Variants in FLOT2 observed in about 807,000 individuals in gnomAD.
The protein encoded by FLOT2 is flotillin-2.
A neutral mutation model predicts 54.9 loss-of-function variants in FLOT2; 35 were observed. The ratio of observed to expected loss-of-function variants is 0.64; its 90% CI spans 0.49 to 0.84. The LOEUF is 0.84. Ranked by LOEUF, FLOT2 falls within the 40% of genes least tolerant of loss-of-function variation. The pLI is 0.00. For synonymous variants in FLOT2, 207 were observed against 228.9 expected (o/e 0.90, Z 0.86); for missense variants, 464 against 572.1 (o/e 0.81, Z 1.93).
chr17:28,886,561 CATTTAATTGGGA>C (rs2039550370), intron 2 of FLOT2, among the ~76,000 whole-genome samples: 1 of 152,192 alleles, frequency 6.6e-6, no homozygotes, highest in Non-Finnish European at 1.5e-5. Flanking sequence ...ATAAGGGAGG[CATTTAATTGGGA>C]ATTTCCAAAG....
intron 1 of FLOT2, among the ~76,000 whole-genome samples, chr17:28,894,762 C>A (rs2039714258): frequency 7.0e-6 from 1 of 143,150 alleles, no homozygotes; most frequent in Admixed American, 7.3e-5. Context: ...CTACTGCACT[C>A]TAGTAGCCTG....
chr17:28,895,162 C>T (rs913222197), intron 1 of FLOT2, among the ~76,000 whole-genome samples: 1 of 152,032 alleles, frequency 6.6e-6, no homozygotes, highest in Non-Finnish European at 1.5e-5. Context: ...ATCCATCTGC[C>T]TCAGCCTCTC....
chr17:28,897,723 G>C lies in FLOT2; in HGVS notation c.-149C>G. Reference sequence around the variant, plus strand: ...CGCGCCCCTCTGCGGTCGCAGCCCCGCCGGAAGTGTGGCGGCGGAGGGCGG... The same window carrying C: ...CGCGCCCCTCTGCGGTCGCAGCCCCCCCGGAAGTGTGGCGGCGGAGGGCGG... On this transcript the variant is annotated 5_prime_UTR_variant, in exon 1 of 11. Coordinates refer to ENST00000394908, the MANE Select transcript of FLOT2 (RefSeq NM_004475.3). The surrounding 1 kb of genome is among the most constrained non-coding windows in gnomAD (Gnocchi z 4.4). 1 of 584,422 alleles carries C rather than the reference G, an allele frequency of 1.7e-6. No individual in the cohort carries two copies. The highest frequency in any genetic ancestry group is 2.5e-6 in the Non-Finnish European group (1 of 401,742). The allele number at this position is 584,422 out of a possible 1,614,324, so 36.2% of individuals were successfully genotyped here.
rs1184656772 is a variant in FLOT2 at position 28,884,207 on chromosome 17, G to A, written c.222+18C>T. 1 of 1,582,972 alleles carries A rather than the reference G, an allele frequency of 6.3e-7. No individual in the cohort carries two copies. Among genetic ancestry groups the A allele is most frequent in the Non-Finnish European group, 8.7e-7 (1 of 1,151,920 alleles). On this transcript the variant is annotated intron_variant, in intron 3 of 10. Transcript: ENST00000394908. This position sits in a 1 kb window ranked among gnomAD's most constrained non-coding sequence, Gnocchi z 5.1. ...AGGCAGCTCAACGGACATGCGCAGG[G>A]CTGCTGAGTTACTATACCTGGGCGA...
intron 9 of FLOT2, 126 bp downstream of exon 9, chr17:28,881,066 C>T (rs2152645978): frequency 9.5e-7 from 1 of 1,049,856 alleles, no homozygotes; most frequent in Non-Finnish European, 1.4e-6. Context: ...TGAGGATGCT[C>T]CTCATTTAAC....
rs201936801 is a variant in FLOT2 at position 28,880,727 on chromosome 17, C to T, written c.1234G>A (p.Val412Met). 4.0e-5 allele frequency: 65 copies of T among 1,614,234 alleles called. No individual in the cohort carries two copies. Among genetic ancestry groups the T allele is most frequent in the East Asian group, 8.9e-5 (4 of 44,890 alleles). ...LPASVHALTG[V>M]DLSKIPLIKK... is the part of the protein sequence containing the mutation. Reference sequence around the variant, plus strand: ...CAGGCACATACCTTAGACAGGTCCACGCCTGTGAGGGCATGCACAGAGGCA... The same window carrying T: ...CAGGCACATACCTTAGACAGGTCCATGCCTGTGAGGGCATGCACAGAGGCA... Residue 412 changes from valine to methionine, a missense_variant, in exon 10 of 11, where the codon GTG (valine) becomes ATG (methionine). Val to Met is a conservative substitution (Grantham distance 21). Coordinates refer to ENST00000394908, the MANE Select transcript of FLOT2 (RefSeq NM_004475.3).
In FLOT2 at chr17:28,882,430, G is replaced by C. The variant is rs779435564; in HGVS notation, c.486C>G (p.Asp162Glu). Residue 162 changes from aspartate to glutamate, a missense_variant, in exon 6 of 11, where the codon GAC (aspartate) becomes GAG (glutamate). By Grantham distance (45) the Asp-to-Glu change is conservative. Transcript: ENST00000394908. The surrounding 1 kb of genome is among the most constrained non-coding windows in gnomAD (Gnocchi z 5.6). ...FTIKDVYDKV[D>E]YLSSLGKTQT... ...GCGTCTTGCCCAGGGAGCTCAGATA[G>C]TCCACTTTGTCATACACGTCCTGGG... is the stretch of plus-strand genomic sequence containing the variant. The C allele has an allele frequency of 6.2e-7, 1 of 1,614,032 alleles. No individual in the cohort carries two copies. The highest frequency in any genetic ancestry group is 8.5e-7 in the Non-Finnish European group (1 of 1,179,998).
intron 2 of FLOT2, among the ~76,000 whole-genome samples, chr17:28,888,243 G>A (rs2039581898): frequency 6.6e-6 from 1 of 152,274 alleles, no homozygotes; most frequent in Admixed American, 6.5e-5. Context: ...CGGGTGGGCA[G>A]TGAGGGTGGC....
At chr17:28,887,084 A>G (rs1280813252) in intron 2 of FLOT2, among the ~76,000 whole-genome samples, 7 of 152,068 alleles carry the variant, frequency 4.6e-5, no homozygotes, top group Non-Finnish European at 8.8e-5. Context: ...CCAAAGGTGG[A>G]AGAATTGCTC....
chr17:28,896,471 G>T (rs138944882), intron 1 of FLOT2, among the ~76,000 whole-genome samples: 1 of 152,160 alleles, frequency 6.6e-6, no homozygotes, highest in Non-Finnish European at 1.5e-5. Flanking sequence ...CTGGTCTTCA[G>T]GGGGGTAGGG....
chr17:28,882,701 G>GCC lies in FLOT2; in HGVS notation c.347-11_347-10insGG. 6.3e-7 allele frequency: 1 copy of GCC among 1,583,858 alleles called. No homozygotes were observed. Among genetic ancestry groups the GCC allele is most frequent in the Non-Finnish European group, 8.7e-7 (1 of 1,153,050 alleles). ...TCCACTGTCAGGGTCCCTGGGGGCA[G>GCC]AGGGATCAAGGGCTGGCTCCCCAGG... On this transcript the variant is annotated splice_polypyrimidine_tract_variant and intron_variant, in intron 4 of 10. Transcript: ENST00000394908. This position sits in a 1 kb window ranked among gnomAD's most constrained non-coding sequence, Gnocchi z 5.6.
rs928093914 is a variant in FLOT2, at chr17:28,897,391, C to T, written c.49+135G>A. 2 of 765,514 alleles carry T rather than the reference C, an allele frequency of 2.6e-6. No homozygotes were observed. The highest frequency in any genetic ancestry group is 6.7e-5 in the East Asian group (2 of 29,832). 47.4% of individuals were successfully genotyped at this position (765,514 alleles called of 1,614,324 possible). A position where few individuals can be genotyped will look rare whatever the true frequency, so the allele number is the denominator to read the frequency against. On this transcript the variant is annotated intron_variant, in intron 1 of 10. Coordinates refer to ENST00000394908, the MANE Select transcript of FLOT2 (RefSeq NM_004475.3). The surrounding 1 kb of genome is among the most constrained non-coding windows in gnomAD (Gnocchi z 4.4). Reference sequence around the variant, plus strand: ...AGCACGAGATCTCTCTTGGAAGGGGCCTCAGGTGCGGCCCGGGGGCCAGCG... The same window carrying T: ...AGCACGAGATCTCTCTTGGAAGGGGTCTCAGGTGCGGCCCGGGGGCCAGCG...
intron 9 of FLOT2, 125 bp from the exon 10 acceptor site, chr17:28,880,987 C>G: frequency 1.7e-5 from 22 of 1,297,860 alleles, no homozygotes; most frequent in Non-Finnish European, 2.4e-5. Context: ...CCCTTAGTCT[C>G]GAGCCATGGT....
rs770969652 is a variant in FLOT2, at chr17:28,881,200, G to A, written c.1090C>T (p.Leu364=). 19 of 1,613,452 alleles carry A rather than the reference G, an allele frequency of 1.2e-5. No homozygotes were observed. Among genetic ancestry groups the A allele is most frequent in the African/African-American group, 2.7e-5 (2 of 74,928 alleles). The change falls in exon 9 of 11, where the codon CTG becomes TTG. Residue 364 remains leucine, a synonymous_variant. Transcript: ENST00000394908. ...AAKMALVLEA[L]PQIAAKIAAP... ...TTGGGTGGAAGCCTCACCTGGGGCA[G>A]GGCCTCTAGCACCAAGGCCATCTTG...
At position 28,882,638 on chromosome 17, in the gene FLOT2, C is replaced by G. The variant is rs1176641685; in HGVS notation, c.400G>C (p.Val134Leu). Residue 134 changes from valine (V) to leucine (L), a missense_variant, in exon 5 of 11, where the codon GTG becomes CTG. Coordinates refer to ENST00000394908, the MANE Select transcript of FLOT2 (RefSeq NM_004475.3). The surrounding 1 kb of genome is among the most constrained non-coding windows in gnomAD (Gnocchi z 5.6). ...YQDRDQFAKLVREVAAPDVGR... is the reference protein window; with the variant it reads ...YQDRDQFAKLLREVAAPDVGR... ...ACATCAGGGGCTGCCACCTCCCGCA[C>G]CAGCTTGGCAAACTGGTCCCGGTCC... is the stretch of plus-strand genomic sequence containing the variant. The G allele has an allele frequency of 6.2e-7, 1 of 1,613,914 alleles. No individual in the cohort carries two copies. Among genetic ancestry groups the G allele is most frequent in the Non-Finnish European group, 8.5e-7 (1 of 1,179,978 alleles).
rs574722327 is a variant in FLOT2, at chr17:28,884,163, C to T, written c.222+62G>A. The T allele has an allele frequency of 4.5e-5, 58 of 1,281,380 alleles. No individual in the cohort carries two copies. The South Asian group carries it at 5.4e-4, about 12-fold the overall frequency. The allele number at this position is 1,281,380 out of a possible 1,614,324, so 79.4% of individuals were successfully genotyped here. On this transcript the variant is annotated intron_variant, in intron 3 of 10. Transcript: ENST00000394908. This position sits in a 1 kb window ranked among gnomAD's most constrained non-coding sequence, Gnocchi z 5.1. ...GGCTGCTGTCCTCTCCTCCTCCCCC[C>T]GAACCCGAGTACGGGACCAGGCAGC... is the stretch of plus-strand genomic sequence containing the variant.
intron 10 of FLOT2, 42 bp downstream of exon 10, chr17:28,880,671 G>A (rs761378408): frequency 1.6e-5 from 26 of 1,613,728 alleles, no homozygotes; most frequent in Admixed American, 8.3e-5. Flanking sequence ...CCAGTCCGAC[G>A]GGCTACCTGG....
At chr17:28,885,412 C>T (rs1008867662) in intron 2 of FLOT2, among the ~76,000 whole-genome samples, 2 of 152,180 alleles carry the variant, frequency 1.3e-5, no homozygotes, top group African/African-American at 2.4e-5. Context: ...GGGGCAGGGG[C>T]TTTTTATTGT....
intron 1 of FLOT2, among the ~76,000 whole-genome samples, chr17:28,896,635 AT>A (rs1409580037): frequency 6.6e-6 from 1 of 152,144 alleles, no homozygotes; most frequent in Admixed American, 6.5e-5. Flanking sequence ...CAGGGCTTCT[AT>A]CCCCTTCTAT....
Sources: gnomAD v4.1 joint callset for allele counts (sites outside exome capture counted in the v4.1 genomes callset) on GRCh38, gnomAD v4.1.1 for gene constraint, Gnocchi (gnomAD v3.1) non-coding constraint, MANE v1.5 for transcripts, NCBI Gene and HGNC (gene_info 2026-07-23, HGNC 2026-07-21) for gene names.